Variants in TNRC6A observed in about 807,000 individuals in gnomAD.
TNRC6A encodes trinucleotide repeat containing adaptor 6A, also known as trinucleotide repeat-containing gene 6A protein.
A neutral mutation model predicts 221.2 loss-of-function variants in TNRC6A; 44 were observed. The ratio of observed to expected loss-of-function variants is 0.20; its 90% CI spans 0.16 to 0.26. TNRC6A has a LOEUF of 0.26. Among genes scored for constraint, TNRC6A ranks in the 10% least tolerant of loss-of-function variants. The probability of loss-of-function intolerance (pLI) is 1.00; values close to 1 mark genes in which losing one functional copy is unlikely to be tolerated. For synonymous variants in TNRC6A, 847 were observed against 838.5 expected (o/e 1.01, Z -0.18); for missense variants, 2,199 against 2,404.4 (o/e 0.91, Z 1.79).
rs556919801 is a variant in TNRC6A, at chr16:24,786,489, A to T, written c.590-2743A>T. ...AGGCACCCACCACCACGCCCAGCTA[A>T]TTTTTTTGTAGAGATGGGCTTTCTC... is the stretch of plus-strand genomic sequence containing the variant. On this transcript the variant is annotated intron_variant, in intron 5 of 24. Transcript: ENST00000395799. Among the ~76,000 whole-genome samples the T allele has an allele frequency of 5.5e-3, 837 of 151,332 alleles. 3 individuals are homozygous for T. The highest frequency in any genetic ancestry group is 0.011 in the Non-Finnish European group (723 of 67,842).
chr16:24,625,815 G>A (rs981214518), intron 1 of TNRC6A, among the ~76,000 whole-genome samples: 2 of 151,862 alleles, frequency 1.3e-5, no homozygotes, highest in Non-Finnish European at 2.9e-5. Flanking sequence ...AGGAGGCTGA[G>A]GCAGGAGAAT....
At chr16:24,654,709 ACTT>A (rs1226900300) in intron 2 of TNRC6A, among the ~76,000 whole-genome samples, 1 of 152,068 alleles carries the variant, frequency 6.6e-6, no homozygotes, top group Non-Finnish European at 1.5e-5. Flanking sequence ...ACAGAGTGAG[ACTT>A]CTTCTCAAAA....
In TNRC6A at chr16:24,804,635, C is replaced by G. The variant is rs147228454; in HGVS notation, c.3838-70C>G. 2.2e-4 allele frequency: 329 copies of G among 1,522,502 alleles called. No individual in the cohort carries two copies. In the African/African-American group the frequency reaches 4.1e-3, roughly 19 times the overall value. 94.3% of individuals were successfully genotyped at this position (1,522,502 alleles called of 1,614,324 possible). ...AATGTCATGTGACTTCTCTTCTGTTCCTGCAATGATTTCTCCCTTCCACTT... is the reference window on the plus strand; with the variant it reads ...AATGTCATGTGACTTCTCTTCTGTTGCTGCAATGATTTCTCCCTTCCACTT... On this transcript the variant is annotated intron_variant, in intron 12 of 24. Coordinates refer to ENST00000395799, the MANE Select transcript of TNRC6A (RefSeq NM_014494.4).
In TNRC6A at chr16:24,809,358, T is replaced by G. The variant is rs139817271; in HGVS notation, c.4549T>G (p.Ser1517Ala). ...GTTTTTTAATTTTTCAGGCTTGAAC[T>G]CAAACTTGAATGTAAATATGGATAT... Reference protein sequence around the residue: ...AFSNFPIGLNSNLNVNMDMNS... With the variant: ...AFSNFPIGLNANLNVNMDMNS... The change falls in exon 18 of 25, where the codon TCA (serine) becomes GCA (alanine). Residue 1517 changes from serine (S) to alanine (A), a missense_variant. Around this residue, in one of 8 missense-constraint regions of TNRC6A, gnomAD observed 449 missense variants for 579.7 expected, o/e 0.77. Coordinates refer to ENST00000395799, the MANE Select transcript of TNRC6A (RefSeq NM_014494.4). 104 of 1,531,638 alleles carry G rather than the reference T, an allele frequency of 6.8e-5. No homozygotes were observed. Among genetic ancestry groups the G allele is most frequent in the Non-Finnish European group, 8.3e-5 (94 of 1,132,244 alleles). 94.9% of individuals were successfully genotyped at this position (1,531,638 alleles called of 1,614,324 possible).
At chr16:24,761,564 C>CT (rs950771260) in intron 4 of TNRC6A, among the ~76,000 whole-genome samples, 36 of 148,030 alleles carry the variant, frequency 2.4e-4, no homozygotes, top group Middle Eastern at 6.9e-3. Flanking sequence ...TTTTTTTTTT[C>CT]TTTTTTTTTA....
At position 24,791,462 on chromosome 16, in the gene TNRC6A, A is replaced by C; in HGVS notation, c.2820A>C (p.Pro940=). The C allele has an allele frequency of 6.5e-7, 1 of 1,531,678 alleles. No homozygotes were observed. The highest frequency in any genetic ancestry group is 8.8e-7 in the Non-Finnish European group (1 of 1,142,798). The allele number at this position is 1,531,678 out of a possible 1,614,324, so 94.9% of individuals were successfully genotyped here. A position where few individuals can be genotyped will look rare whatever the true frequency, so the allele number is the denominator to read the frequency against. Residue 940 remains proline (P), a synonymous_variant, in exon 6 of 25, where the codon CCA becomes CCC. Transcript: ENST00000395799. ...QSLGWGDSSK[P]VSSPDWNKQQ... The stretch of plus-strand genomic sequence containing the variant: ...TAGGTTGGGGAGATTCGTCAAAGCC[A>C]GTCAGCTCTCCAGACTGGAACAAGC...
rs546584225 is a variant in TNRC6A, at chr16:24,625,589, G to A, written n.276+15105G>A. Among the ~76,000 whole-genome samples the A allele has an allele frequency of 6.9e-4, 105 of 152,118 alleles. 2 individuals carry two copies. The East Asian group carries it at 0.018, about 26-fold the overall frequency. ...AAAATACAAAAAATTAGCCGGGCGC[G>A]GTGGCGGGCGCCTGTAGTCCCAGCT... On this transcript the variant is annotated intron_variant and non_coding_transcript_variant, in intron 1 of 2. Coordinates refer to the TNRC6A transcript ENST00000566108.
chr16:24,804,580 T>C, intron 12 of TNRC6A, 125 bp from the exon 13 acceptor site: 1 of 1,393,512 alleles, frequency 7.2e-7, no homozygotes, highest in African/African-American at 1.4e-5. Context: ...CGATCTCTTC[T>C]GTTTTCTACC....
chr16:24,712,379 C>G (rs1596532596), intron 2 of TNRC6A, among the ~76,000 whole-genome samples: 1 of 152,194 alleles, frequency 6.6e-6, no homozygotes, highest in African/African-American at 2.4e-5. Context: ...TCATAGTCTA[C>G]CCTTAAACAA....
At position 24,823,873 on chromosome 16, in the gene TNRC6A, C is replaced by G. The variant is rs755389115; in HGVS notation, c.*66C>G. 1.5e-6 allele frequency: 2 copies of G among 1,360,154 alleles called. No individual in the cohort carries two copies. The highest frequency in any genetic ancestry group is 2.8e-5 in the East Asian group (1 of 36,172). 84.3% of individuals were successfully genotyped at this position (1,360,154 alleles called of 1,614,324 possible). A position where few individuals can be genotyped will look rare whatever the true frequency, so the allele number is the denominator to read the frequency against. ...AGGGAAAGGAGCACTAAGTGGGGCT[C>G]GCCGCCTGCAGCCAGGGGCCGCCTG... On this transcript the variant is annotated 3_prime_UTR_variant, in exon 25 of 25. Transcript: ENST00000395799. This position sits in a 1 kb window ranked among gnomAD's most constrained non-coding sequence, Gnocchi z 4.3.
At chr16:24,706,122 A>G (rs1318568044) in intron 2 of TNRC6A, among the ~76,000 whole-genome samples, 1 of 152,196 alleles carries the variant, frequency 6.6e-6, no homozygotes, top group Non-Finnish European at 1.5e-5. Flanking sequence ...AGCAACAACA[A>G]AAATGTAGGA....
In TNRC6A at chr16:24,649,770, A is replaced by C. The variant is rs1462554842; in HGVS notation, n.402+8761A>C. Among the ~76,000 whole-genome samples, 6 of 149,128 alleles carry C rather than the reference A, an allele frequency of 4.0e-5. No individual in the cohort carries two copies. The East Asian group carries it at 1.2e-3, about 29-fold the overall frequency. On this transcript the variant is annotated intron_variant and non_coding_transcript_variant, in intron 2 of 2. Coordinates refer to the TNRC6A transcript ENST00000566108. ...ACTGAATTTTTGTATCCTTTCACCA[A>C]CATCTCCCCAATTTCCCCATCCCCC...
chr16:24,767,182 A>T (rs1049193860), intron 4 of TNRC6A, among the ~76,000 whole-genome samples: 5 of 152,246 alleles, frequency 3.3e-5, no homozygotes. Context: ...CGAGGCAAGA[A>T]TATCTAAATT....
intron 18 of TNRC6A, among the ~76,000 whole-genome samples, chr16:24,814,800 C>T (rs2058622480): frequency 6.6e-6 from 1 of 152,154 alleles, no homozygotes; most frequent in African/African-American, 2.4e-5. Context: ...GTGTAGCCAT[C>T]ACCACAATCC....
At position 24,674,859 on chromosome 16, in the gene TNRC6A, C is replaced by T. The variant is rs145529636; in HGVS notation, n.402+33850C>T. ...CAAGCCATCCAAATTCTCCACCCAC[C>T]AGGCAGTGGTAGCTCACACCTGTAA... On this transcript the variant is annotated intron_variant and non_coding_transcript_variant, in intron 2 of 2. Coordinates refer to the TNRC6A transcript ENST00000566108. Among the ~76,000 whole-genome samples the T allele has an allele frequency of 1.8e-3, 269 of 152,248 alleles. 4 individuals are homozygous for T. The highest frequency in any genetic ancestry group is 0.016 in the Admixed American group (242 of 15,272).
intron 2 of TNRC6A, among the ~76,000 whole-genome samples, chr16:24,740,072 A>G (rs2056859837): frequency 6.6e-6 from 1 of 152,158 alleles, no homozygotes; most frequent in African/African-American, 2.4e-5. Context: ...ACCCTGTTGA[A>G]GGTCACTTGA....
chr16:24,686,213 G>A (rs2055622488), intron 2 of TNRC6A, among the ~76,000 whole-genome samples: 1 of 152,208 alleles, frequency 6.6e-6, no homozygotes. Flanking sequence ...GCTGAATGCA[G>A]AGGCGTCTGG....
At chr16:24,770,217 TGTG>T (rs2057562091) in intron 4 of TNRC6A, among the ~76,000 whole-genome samples, 1 of 152,104 alleles carries the variant, frequency 6.6e-6, no homozygotes, top group African/African-American at 2.4e-5. Context: ...AAGTATTTGG[TGTG>T]GTAGAAGAGA....
At chr16:24,789,120 A>T (rs2058038230) in intron 5 of TNRC6A, 112 bp from the exon 6 acceptor site, 1 of 1,094,994 alleles carries the variant, frequency 9.1e-7, no homozygotes, top group Non-Finnish European at 1.3e-6. Context: ...ATAGCTTGTT[A>T]AATTGAGGAG....
Sources: gnomAD v4.1 joint callset for allele counts (sites outside exome capture counted in the v4.1 genomes callset) on GRCh38, gnomAD v4.1.1 for gene constraint, gnomAD v4.1.1 regional missense constraint, Gnocchi (gnomAD v3.1) non-coding constraint, MANE v1.5 for transcripts, NCBI Gene and HGNC (gene_info 2026-07-23, HGNC 2026-07-21) for gene names.